PPP3CA: variants seen among roughly 807,000 people sequenced by gnomAD.
The protein encoded by PPP3CA is CAM-PRP catalytic subunit.
Under a neutral mutation model 66.5 loss-of-function variants are expected in PPP3CA, and 14 were observed. That is an observed-to-expected ratio of 0.21 (90% CI 0.14 to 0.33). PPP3CA has a LOEUF of 0.33. Ranked by LOEUF, PPP3CA falls within the 10% of genes least tolerant of loss-of-function variation. The pLI is 1.00. For synonymous variants in PPP3CA, 232 were observed against 226.2 expected, an observed-to-expected ratio of 1.03 and a Z score of -0.23; for missense variants, 317 against 639.5, an observed-to-expected ratio of 0.50 and a Z score of 5.44.
chr4:101,048,986 G>T (rs1452433487), intron 10 of PPP3CA, among the ~76,000 whole-genome samples: 1 of 151,972 alleles, frequency 6.6e-6, no homozygotes, highest in Non-Finnish European at 1.5e-5. Flanking sequence ...TTTAAGGAAG[G>T]CCAGAAGAGC....
intron 1 of PPP3CA, among the ~76,000 whole-genome samples, chr4:101,269,151 C>T (rs970437173): frequency 2.0e-5 from 3 of 152,222 alleles, no homozygotes; most frequent in African/African-American, 2.4e-5. Flanking sequence ...CCCTCCTCAT[C>T]GTCTATGACA....
chr4:101,246,692 A>G lies in PPP3CA; in HGVS notation c.59-50576T>C, dbSNP rs182378431. On this transcript the variant is annotated intron_variant, in intron 1 of 13. Transcript: ENST00000394854. ...TATAGACATAGTTTTACACATACACACACAGTGTGTACCTACGTATATATA... is the reference window on the plus strand; with the variant it reads ...TATAGACATAGTTTTACACATACACGCACAGTGTGTACCTACGTATATATA... Among the ~76,000 whole-genome samples, 668 of 152,284 alleles carry G rather than the reference A, an allele frequency of 4.4e-3. 3 individuals carry two copies. Among genetic ancestry groups the G allele is most frequent in the African/African-American group, 0.015 (632 of 41,560 alleles).
At chr4:101,108,371 T>C (rs1721511395) in intron 3 of PPP3CA, among the ~76,000 whole-genome samples, 1 of 152,244 alleles carries the variant, frequency 6.6e-6, no homozygotes, top group African/African-American at 2.4e-5. Context: ...TGGAATTATT[T>C]ATTGTAAAGC....
chr4:101,208,999 ACTTTC>A (rs1270856396), intron 1 of PPP3CA, among the ~76,000 whole-genome samples: 1 of 152,208 alleles, frequency 6.6e-6, no homozygotes, highest in African/African-American at 2.4e-5. Flanking sequence ...TGTAAAAGCA[ACTTTC>A]CTTTATAAAG....
At chr4:101,172,352 T>A (rs1022599063) in intron 2 of PPP3CA, among the ~76,000 whole-genome samples, 3 of 152,194 alleles carry the variant, frequency 2.0e-5, no homozygotes, top group African/African-American at 7.2e-5. Context: ...GAGAGAATTA[T>A]GTACCCATCT....
intron 2 of PPP3CA, among the ~76,000 whole-genome samples, chr4:101,109,308 T>TAAAAAAAAA: frequency 1.1e-5 from 1 of 90,042 alleles, no homozygotes; most frequent in Non-Finnish European, 2.2e-5. Flanking sequence ...ACAGATTAAC[T>TAAAAAAAAA]AAAAAAAAAA....
chr4:101,107,379 G>A (rs1049762533), intron 3 of PPP3CA, among the ~76,000 whole-genome samples: 1 of 152,158 alleles, frequency 6.6e-6, no homozygotes, highest in African/African-American at 2.4e-5. Flanking sequence ...TAGGTTTCTA[G>A]AGAGCAAGAA....
intron 3 of PPP3CA, among the ~76,000 whole-genome samples, chr4:101,102,334 C>T (rs916589432): frequency 6.6e-6 from 1 of 150,724 alleles, no homozygotes; most frequent in Admixed American, 6.6e-5. Flanking sequence ...AAATAGAAGG[C>T]AGAGAGAGAG....
chr4:101,252,063 A>AT (rs1726694822), intron 1 of PPP3CA, among the ~76,000 whole-genome samples: 1 of 152,170 alleles, frequency 6.6e-6, no homozygotes, highest in Non-Finnish European at 1.5e-5. Context: ...TAAAACTATG[A>AT]TTTTAAGACA....
At chr4:101,102,690 T>A (rs773185254) in intron 3 of PPP3CA, among the ~76,000 whole-genome samples, 1 of 152,132 alleles carries the variant, frequency 6.6e-6, no homozygotes, top group Non-Finnish European at 1.5e-5. Context: ...ACCTGATAGT[T>A]TTTTAAAAAA....
At chr4:101,227,133 C>T (rs555715227) in intron 1 of PPP3CA, among the ~76,000 whole-genome samples, 1 of 151,640 alleles carries the variant, frequency 6.6e-6, no homozygotes, top group Admixed American at 6.6e-5. Context: ...TACATACATA[C>T]ATACATACAT....
At chr4:101,309,582 C>T (rs1728656918) in intron 1 of PPP3CA, among the ~76,000 whole-genome samples, 1 of 152,122 alleles carries the variant, frequency 6.6e-6, no homozygotes, top group Non-Finnish European at 1.5e-5. Context: ...ACAATTGGAA[C>T]ACTATAAAGA....
chr4:101,250,995 T>G (rs944086937), intron 1 of PPP3CA, among the ~76,000 whole-genome samples: 2 of 152,102 alleles, frequency 1.3e-5, no homozygotes, highest in Non-Finnish European at 2.9e-5. Flanking sequence ...TAATGTATCT[T>G]TAAGTCCTGT....
At chr4:101,256,012 GT>G (rs1726829356) in intron 1 of PPP3CA, among the ~76,000 whole-genome samples, 1 of 151,822 alleles carries the variant, frequency 6.6e-6, no homozygotes, top group Non-Finnish European at 1.5e-5. Flanking sequence ...TCATTAGATA[GT>G]TAAAGTAATT....
intron 10 of PPP3CA, among the ~76,000 whole-genome samples, chr4:101,051,002 C>T (rs1284162474): frequency 1.3e-5 from 2 of 152,076 alleles, no homozygotes; most frequent in African/African-American, 4.8e-5. Context: ...AAAGGCTGGA[C>T]CCCAGATTAT....
intron 1 of PPP3CA, among the ~76,000 whole-genome samples, chr4:101,249,179 AC>A (rs1259797420): frequency 4.2e-5 from 6 of 143,240 alleles, no homozygotes; most frequent in Non-Finnish European, 6.1e-5. Flanking sequence ...AAAAAAAAAA[AC>A]CAAAAAACAA....
intron 2 of PPP3CA, among the ~76,000 whole-genome samples, chr4:101,126,747 A>G (rs1329368226): frequency 2.0e-5 from 3 of 152,236 alleles, no homozygotes; most frequent in Admixed American, 6.5e-5. Context: ...TTAAGTATCA[A>G]AAACAGAAAA....
At chr4:101,120,291 C>T (rs1336491827) in intron 2 of PPP3CA, among the ~76,000 whole-genome samples, 4 of 152,160 alleles carry the variant, frequency 2.6e-5, no homozygotes, top group East Asian at 1.9e-4. Context: ...TGACGTTTCA[C>T]TTGTGCTGCA....
At chr4:101,241,623 A>G (rs1560676277) in intron 1 of PPP3CA, among the ~76,000 whole-genome samples, 1 of 152,164 alleles carries the variant, frequency 6.6e-6, no homozygotes, top group Non-Finnish European at 1.5e-5. Flanking sequence ...CCTGTTTTAA[A>G]GACTAGAAAT....
Sources: gnomAD v4.1 joint callset for allele counts (sites outside exome capture counted in the v4.1 genomes callset) on GRCh38, gnomAD v4.1.1 for gene constraint, MANE v1.5 for transcripts, NCBI Gene and HGNC (gene_info 2026-07-23, HGNC 2026-07-21) for gene names.